SPPL2A: variants seen among roughly 807,000 people sequenced by gnomAD.
The protein encoded by SPPL2A is signal peptide peptidase-like 2A.
SPPL2A carries 51 observed loss-of-function variants against 63.8 expected under a neutral mutation model. The observed-to-expected ratio is 0.80, with a 90% confidence interval of 0.64 to 1.01. The LOEUF (loss-of-function observed/expected upper bound fraction) is 1.01, where lower values mean the gene tolerates loss of function less well. Ranked by LOEUF, SPPL2A falls within the 50% of genes least tolerant of loss-of-function variation. The probability of loss-of-function intolerance (pLI) is 0.00; values close to 1 mark genes in which losing one functional copy is unlikely to be tolerated. For synonymous variants in SPPL2A, 188 were observed against 205.8 expected, an observed-to-expected ratio of 0.91 and a Z score of 0.74; for missense variants, 553 against 622.7, an observed-to-expected ratio of 0.89 and a Z score of 1.19.
chr15:50,723,276 T>A (rs973840619), intron 12 of SPPL2A, among the ~76,000 whole-genome samples: 1 of 152,154 alleles, frequency 6.6e-6, no homozygotes, highest in Non-Finnish European at 1.5e-5. Context: ...AAATTAGAAC[T>A]ACCATTAGGT....
At chr15:50,763,759 A>G (rs7168211) in intron 1 of SPPL2A, among the ~76,000 whole-genome samples, 38,487 of 151,994 alleles carry the variant, frequency 0.25, 5,855 homozygotes, top group East Asian at 0.55. Flanking sequence ...TTAGCTGGGC[A>G]TGGTGGTGCT....
At chr15:50,739,325 C>T (rs543425765) in intron 6 of SPPL2A, among the ~76,000 whole-genome samples, 4 of 151,926 alleles carry the variant, frequency 2.6e-5, no homozygotes, top group South Asian at 2.1e-4. Context: ...ATTACAGGCA[C>T]GTGCCACCAC....
rs1182336256 is a variant in SPPL2A at position 50,725,786 on chromosome 15, T to C, written c.1147-463A>G. 34 of 225,362 alleles carry C rather than the reference T, an allele frequency of 1.5e-4. No homozygotes were observed. The Admixed American group carries it at 1.8e-3, about 12-fold the overall frequency. The allele number at this position is 225,362 out of a possible 1,614,324, so 14.0% of individuals were successfully genotyped here. On this transcript the variant is annotated intron_variant, in intron 11 of 14. Coordinates refer to ENST00000261854, the MANE Select transcript of SPPL2A (RefSeq NM_032802.4). Reference sequence around the variant, plus strand: ...CATTAGAATAGTTCTTTTGACAGTTTAAAGGAACTTGAAATACTCTGTTTC... The same window carrying C: ...CATTAGAATAGTTCTTTTGACAGTTCAAAGGAACTTGAAATACTCTGTTTC...
At chr15:50,743,741 G>A (rs1041816850) in intron 5 of SPPL2A, among the ~76,000 whole-genome samples, 1 of 152,132 alleles carries the variant, frequency 6.6e-6, no homozygotes, top group African/African-American at 2.4e-5. Flanking sequence ...CATGGTAATG[G>A]AAGTACAGTA....
intron 5 of SPPL2A, among the ~76,000 whole-genome samples, 169 bp downstream of exon 5, chr15:50,747,326 T>G (rs916722904): frequency 6.6e-6 from 1 of 152,154 alleles, no homozygotes; most frequent in African/African-American, 2.4e-5. Context: ...GTGACTCTTT[T>G]CTCTCTGGTG....
At chr15:50,730,507 AG>A (rs1183923276) in intron 10 of SPPL2A, among the ~76,000 whole-genome samples, 1 of 152,050 alleles carries the variant, frequency 6.6e-6, no homozygotes, top group Non-Finnish European at 1.5e-5. Flanking sequence ...GAAGATGAAT[AG>A]CTAGCAGTAC....
chr15:50,718,042 G>A (rs901717203), intron 14 of SPPL2A, among the ~76,000 whole-genome samples: 1 of 144,444 alleles, frequency 6.9e-6, no homozygotes, highest in African/African-American at 2.6e-5. Context: ...CACGATCTCG[G>A]CTCACTGCAA....
intron 6 of SPPL2A, 29 bp downstream of exon 6, chr15:50,739,651 A>G (rs746237877): frequency 2.7e-6 from 4 of 1,472,286 alleles, no homozygotes; most frequent in South Asian, 1.3e-5. Context: ...GTATGTTAAC[A>G]GTAGCAAACA....
At chr15:50,720,123 TAA>T (rs745637969) in intron 13 of SPPL2A, 23 bp from the exon 14 acceptor site, 102 of 1,587,994 alleles carry the variant, frequency 6.4e-5, no homozygotes, top group Middle Eastern at 3.4e-4. Context: ...TACCAAGCTA[TAA>T]GTCATTTCTA....
intron 10 of SPPL2A, among the ~76,000 whole-genome samples, chr15:50,728,672 C>G (rs2062706535): frequency 6.6e-6 from 1 of 151,556 alleles, no homozygotes; most frequent in African/African-American, 2.4e-5. Flanking sequence ...GAAACGGAGT[C>G]TCACTCTGTT....
rs572470734 is a variant in SPPL2A, at chr15:50,749,838, C to T, written c.67-92G>A. On this transcript the variant is annotated intron_variant, in intron 1 of 14. Transcript: ENST00000261854. The stretch of plus-strand genomic sequence containing the variant: ...AAAGCTATTTATATGCAGGGTTGAT[C>T]ACATTTCCTTGAGAGGGATGGTCTT... 4.5e-5 allele frequency: 35 copies of T among 773,432 alleles called. No homozygotes were observed. The African/African-American group carries it at 5.5e-4, about 12-fold the overall frequency. 47.9% of individuals were successfully genotyped at this position (773,432 alleles called of 1,614,324 possible).
chr15:50,718,065 A>G (rs2062612657), intron 14 of SPPL2A, among the ~76,000 whole-genome samples: 1 of 131,102 alleles, frequency 7.6e-6, no homozygotes, highest in Non-Finnish European at 1.5e-5. Context: ...TCCGCCTCCC[A>G]GGTTCACGCC....
chr15:50,721,808 A>T (rs1341440712), intron 13 of SPPL2A, among the ~76,000 whole-genome samples: 3 of 151,932 alleles, frequency 2.0e-5, no homozygotes, highest in Non-Finnish European at 4.4e-5. Flanking sequence ...GGGTTTCATC[A>T]TGTTGGCCAG....
chr15:50,706,016 AAAG>A lies in SPPL2A; in HGVS notation c.*1781_*1783del, dbSNP rs772127942. Reference sequence around the variant, plus strand: ...GTTCAGGCCACATCTAAAATTTACCAAAGAATGGGGAAAAAACTTTTTTCAAGT... The same window carrying A: ...GTTCAGGCCACATCTAAAATTTACCAAATGGGGAAAAAACTTTTTTCAAGT... On this transcript the variant is annotated 3_prime_UTR_variant, in exon 15 of 15. Transcript: ENST00000261854. 6.6e-6 allele frequency: 1 copy of A among 152,200 alleles called. No individual in the cohort carries two copies. Among genetic ancestry groups the A allele is most frequent in the Non-Finnish European group, 1.5e-5 (1 of 68,040 alleles). 9.4% of individuals were successfully genotyped at this position (152,200 alleles called of 1,614,324 possible).
rs2062631904 is a variant in SPPL2A, at chr15:50,720,028, T to C, written c.1400A>G (p.Tyr467Cys). 5 of 1,613,596 alleles carry C rather than the reference T, an allele frequency of 3.1e-6. No homozygotes were observed. Among genetic ancestry groups the C allele is most frequent in the Non-Finnish European group, 4.2e-6 (5 of 1,179,634 alleles). The change falls in exon 14 of 15, where the codon TAT becomes TGT. Residue 467 changes from tyrosine to cysteine, a missense_variant. Coordinates refer to ENST00000261854, the MANE Select transcript of SPPL2A (RefSeq NM_032802.4). ...AGTAATAAGTGTGCAAGGTACTAAA[T>C]AGAGGAGAGCAGGTTGCCCCTTTTT... ...LMKKGQPALL[Y>C]LVPCTLITAS...
intron 1 of SPPL2A, among the ~76,000 whole-genome samples, chr15:50,763,761 G>A (rs1256728011): frequency 2.0e-5 from 3 of 152,150 alleles, no homozygotes; most frequent in African/African-American, 7.2e-5. Context: ...AGCTGGGCAT[G>A]GTGGTGCTTG....
chr15:50,753,210 T>G (rs187574684), intron 1 of SPPL2A, among the ~76,000 whole-genome samples: 240 of 152,278 alleles, frequency 1.6e-3, no homozygotes, highest in African/African-American at 5.2e-3. Flanking sequence ...ATCCTATTTT[T>G]ATATAATGAC....
In SPPL2A at chr15:50,708,994, G is replaced by A. The variant is rs1282521462; in HGVS notation, c.1489-1120C>T. On this transcript the variant is annotated intron_variant, in intron 14 of 14. Transcript: ENST00000261854. The stretch of plus-strand genomic sequence containing the variant: ...AGAGCTTGCAGTGAGCCGAGATCGT[G>A]CTACTGCGCTCCAGCCTGGGTGACA... 1.3e-5 allele frequency among the ~76,000 whole-genome samples: 2 copies of A among 151,656 alleles called. 1 individual carries two copies. The highest frequency in any genetic ancestry group is 2.9e-5 in the Non-Finnish European group (2 of 67,966).
rs568200307 is a variant in SPPL2A at position 50,740,151 on chromosome 15, G to A, written c.585-323C>T. 4.6e-5 allele frequency among the ~76,000 whole-genome samples: 7 copies of A among 152,064 alleles called. No homozygotes were observed. In the South Asian group the frequency reaches 8.3e-4, roughly 18 times the overall value. On this transcript the variant is annotated intron_variant, in intron 5 of 14. Coordinates refer to ENST00000261854, the MANE Select transcript of SPPL2A (RefSeq NM_032802.4). ...ATTGTTGAAAGAGATGACGTTGGCC[G>A]AGCATGATGGCTCATGCCTGTAATC...
Sources: gnomAD v4.1 joint callset for allele counts (sites outside exome capture counted in the v4.1 genomes callset) on GRCh38, gnomAD v4.1.1 for gene constraint, MANE v1.5 for transcripts, NCBI Gene and HGNC (gene_info 2026-07-23, HGNC 2026-07-21) for gene names.